The following COL5A1 variants were observed in gnomAD, a reference collection of about 807,000 sequenced individuals.
COL5A1 encodes the protein collagen alpha-1(V) chain.
Under a neutral mutation model 263.7 loss-of-function variants are expected in COL5A1, and 16 were observed. The observed-to-expected ratio is 0.06, with a 90% CI of 0.04 to 0.09. The LOEUF (loss-of-function observed/expected upper bound fraction) is 0.09. COL5A1 is among the 10% of genes least tolerant of loss of function. The probability of loss-of-function intolerance (pLI) is 1.00; values close to 1 mark genes in which losing one functional copy is unlikely to be tolerated. For synonymous variants in COL5A1, 1,012 were observed against 1,004.5 expected, an observed-to-expected ratio of 1.01 and a Z score of -0.14; for missense variants, 2,036 against 2,540.5, an observed-to-expected ratio of 0.80 and a Z score of 4.27.
Position 134,842,286 on chromosome 9 carries a change from G to C in COL5A1, c.5500G>C (p.Ala1834Pro), listed in dbSNP as rs752892059. 1 of 1,614,164 alleles carries C rather than the reference G, an allele frequency of 6.2e-7. No individual in the cohort carries two copies. Among genetic ancestry groups the C allele is most frequent in the South Asian group, 1.1e-5 (1 of 91,086 alleles). Residue 1834 changes from alanine (A) to proline (P), a missense_variant, in exon 66 of 66, where the codon GCT becomes CCT. Coordinates refer to ENST00000371817, the MANE Select transcript of COL5A1 (RefSeq NM_000093.5). The surrounding 1 kb of genome is among the most constrained non-coding windows in gnomAD (Gnocchi z 5.8). ...GAAATTTGGATTTGAAGTGGGGCCGGCTTGCTTCATGGGCTAGGAGCCGCC... is the reference window on the plus strand; with the variant it reads ...GAAATTTGGATTTGAAGTGGGGCCGCCTTGCTTCATGGGCTAGGAGCCGCC... ...SQKFGFEVGP[A>P]CFMG
chr9:134,782,287 A>G (rs1428603495), intron 28 of COL5A1, among the ~76,000 whole-genome samples: 1 of 152,184 alleles, frequency 6.6e-6, no homozygotes, highest in Non-Finnish European at 1.5e-5. Context: ...CCCGTCCTCA[A>G]TTGTCACCCC....
rs372939968 is a variant in COL5A1, at chr9:134,814,047, G to A, written c.3906+11G>A. The A allele has an allele frequency of 1.4e-4, 218 of 1,550,454 alleles. No individual in the cohort carries two copies. The highest frequency in any genetic ancestry group is 1.7e-4 in the Non-Finnish European group (194 of 1,146,888). On this transcript the variant is annotated intron_variant, in intron 49 of 65. Coordinates refer to ENST00000371817, the MANE Select transcript of COL5A1 (RefSeq NM_000093.5). ...GAAGGCGGCCCCCCGGTGAGTGAGCGGGCGCTGCGGGAGGGGTGGGATATG... is the reference window on the plus strand; with the variant it reads ...GAAGGCGGCCCCCCGGTGAGTGAGCAGGCGCTGCGGGAGGGGTGGGATATG...
Position 134,786,794 on chromosome 9 carries a change from G to A in COL5A1, c.2646+746G>A, listed in dbSNP as rs1022997831. On this transcript the variant is annotated intron_variant, in intron 31 of 65. Transcript: ENST00000371817. ...TGGAGACATAATTAACAGCCGAAGC[G>A]GGGTCCCGTCTTTCTCAGATCTGCC... Among the ~76,000 whole-genome samples, 12 of 152,116 alleles carry A rather than the reference G, an allele frequency of 7.9e-5. No homozygotes were observed. The East Asian group carries it at 9.6e-4, about 12-fold the overall frequency.
chr9:134,652,099 G>A lies in COL5A1; in HGVS notation c.109+9803G>A, dbSNP rs1330850588. Among the ~76,000 whole-genome samples the A allele has an allele frequency of 6.6e-6, 1 of 152,148 alleles. No individual in the cohort carries two copies. Among genetic ancestry groups the A allele is most frequent in the Non-Finnish European group, 1.5e-5 (1 of 68,024 alleles). On this transcript the variant is annotated intron_variant, in intron 1 of 65. Coordinates refer to ENST00000371817, the MANE Select transcript of COL5A1 (RefSeq NM_000093.5). The surrounding 1 kb of genome is among the most constrained non-coding windows in gnomAD (Gnocchi z 4.4). ...TACAGAGTGTTCCCGCGGTCGAGGT[G>A]GGGTGAAGGGCGTTCTCGAGGGAAG...
chr9:134,739,313 C>G (rs1297170349), intron 11 of COL5A1, among the ~76,000 whole-genome samples: 1 of 152,228 alleles, frequency 6.6e-6, no homozygotes, highest in African/African-American at 2.4e-5. Context: ...CCTTCTGACA[C>G]CTGGTGGGCG....
At chr9:134,761,471 GTCCCTGAC>G (rs1564441992) in intron 18 of COL5A1, among the ~76,000 whole-genome samples, 1 of 152,260 alleles carries the variant, frequency 6.6e-6, no homozygotes, top group Non-Finnish European at 1.5e-5. Context: ...CATGAAGGCT[GTCCCTGAC>G]TCAGCTCCAG....
chr9:134,717,695 G>T (rs117827644), intron 4 of COL5A1, among the ~76,000 whole-genome samples: 1 of 152,196 alleles, frequency 6.6e-6, no homozygotes, highest in Non-Finnish European at 1.5e-5. Context: ...CTTGCCGACC[G>T]CTTCTCCCAC....
In COL5A1 at chr9:134,747,954, GAC is replaced by G. The variant is rs1192343920; in HGVS notation, c.1495-2584_1495-2583del. On this transcript the variant is annotated intron_variant, in intron 11 of 65. Coordinates refer to ENST00000371817, the MANE Select transcript of COL5A1 (RefSeq NM_000093.5). ...ACACACATGCATTCATACACATGCA[GAC>G]ACATGCACACATGCATTCACACACA... Among the ~76,000 whole-genome samples, 7 of 79,894 alleles carry G rather than the reference GAC, an allele frequency of 8.8e-5. 1 individual carries two copies. The highest frequency in any genetic ancestry group is 2.6e-4 in the African/African-American group (6 of 22,796). The allele number at this position is 79,894 out of a possible 152,430, so 52.4% of individuals were successfully genotyped here.
intron 64 of COL5A1, among the ~76,000 whole-genome samples, chr9:134,831,152 C>A (rs1322765224): frequency 6.6e-6 from 1 of 152,246 alleles, no homozygotes; most frequent in Non-Finnish European, 1.5e-5. Context: ...GCACCAGCCC[C>A]AGCCTCCCTG....
Position 134,727,329 on chromosome 9 carries a change from T to C in COL5A1, c.718T>C (p.Tyr240His), listed in dbSNP as rs756136961. ...GGCAGCTTATGATTACTGTGAGCAC[T>C]ACAGCCCTGACTGTGACACCGCAGT... is the stretch of plus-strand genomic sequence containing the variant. ...HRAAYDYCEH[Y>H]SPDCDTAVPD... Residue 240 changes from tyrosine (Y) to histidine (H), a missense_variant, in exon 5 of 66, where the codon TAC (tyrosine) becomes CAC (histidine). Around this residue, in one of 3 missense-constraint regions of COL5A1, gnomAD observed 600 missense variants for 634.5 expected, o/e 0.95. Coordinates refer to ENST00000371817, the MANE Select transcript of COL5A1 (RefSeq NM_000093.5). 1 of 1,613,926 alleles carries C rather than the reference T, an allele frequency of 6.2e-7. No individual in the cohort carries two copies. Among genetic ancestry groups the C allele is most frequent in the African/African-American group, 1.3e-5 (1 of 74,906 alleles).
At chr9:134,750,344 G>T (rs185541857) in intron 11 of COL5A1, among the ~76,000 whole-genome samples, 198 bp from the exon 12 acceptor site, 1 of 152,082 alleles carries the variant, frequency 6.6e-6, no homozygotes, top group Non-Finnish European at 1.5e-5. Context: ...AAGCCTTTCC[G>T]ATCCTCAGCC....
At chr9:134,720,129 C>T (rs1020925075) in intron 4 of COL5A1, among the ~76,000 whole-genome samples, 3 of 152,326 alleles carry the variant, frequency 2.0e-5, no homozygotes, top group African/African-American at 7.2e-5. Flanking sequence ...GCCCACTGGG[C>T]AATTCTGACC....
rs376144196 is a variant in COL5A1, at chr9:134,727,291, T to C, written c.680T>C (p.Val227Ala). The change falls in exon 5 of 66, where the codon GTC (valine) becomes GCC (alanine). Residue 227 changes from valine to alanine, a missense_variant. By Grantham distance (64) the Val-to-Ala change is moderately conservative. This residue lies in a region of COL5A1 where 600 missense variants were observed against 634.5 expected (regional missense o/e 0.95). Transcript: ENST00000371817. The stretch of plus-strand genomic sequence containing the variant: ...GGTGACATCCAGCAGCTGCTCTTTG[T>C]CTCGGACCACCGGGCAGCTTATGAT... ...FEGDIQQLLF[V>A]SDHRAAYDYC... The C allele has an allele frequency of 4.6e-5, 75 of 1,613,980 alleles. No individual in the cohort carries two copies. The African/African-American group carries it at 6.5e-4, about 14-fold the overall frequency.
chr9:134,766,462 G>A lies in COL5A1; in HGVS notation c.2097G>A (p.Thr699=), dbSNP rs368590323. 1.4e-5 allele frequency: 23 copies of A among 1,614,026 alleles called. No individual in the cohort carries two copies. The highest frequency in any genetic ancestry group is 9.3e-5 in the African/African-American group (7 of 74,912). ...PPGPPGPPGV[T]GMDGQPGPKG... ...CTTAAAATCGTACACAGGGTGTCAC[G>A]GGTATGGACGGCCAGCCGGGGCCAA... Residue 699 remains threonine, a synonymous_variant, in exon 22 of 66, where the codon ACG becomes ACA. Coordinates refer to ENST00000371817, the MANE Select transcript of COL5A1 (RefSeq NM_000093.5).
chr9:134,690,494 G>A (rs1833240609), intron 1 of COL5A1, among the ~76,000 whole-genome samples: 1 of 152,204 alleles, frequency 6.6e-6, no homozygotes, highest in Non-Finnish European at 1.5e-5. Flanking sequence ...CATCTGCCTG[G>A]GCTGCTCTCC....
chr9:134,750,573 C>T lies in COL5A1; in HGVS notation c.1526C>T (p.Ala509Val). The T allele has an allele frequency of 6.2e-7, 1 of 1,613,574 alleles. No homozygotes were observed. Among genetic ancestry groups the T allele is most frequent in the South Asian group, 1.1e-5 (1 of 91,088 alleles). The change falls in exon 12 of 66, where the codon GCC becomes GTC. Residue 509 changes from alanine to valine, a missense_variant. By Grantham distance (64) the Ala-to-Val change is moderately conservative. Around this residue, in one of 3 missense-constraint regions of COL5A1, gnomAD observed 1,078 missense variants for 1,521.4 expected, o/e 0.71. Transcript: ENST00000371817. ...GPPGRPGLPG[A>V]DGLPGPPGTM... ...CCTGGACGCCCAGGCCTTCCTGGGG[C>T]CGATGGCCTGCCCGGTCCTCCAGGA...
chr9:134,722,643 G>T (rs1197730444), intron 4 of COL5A1, among the ~76,000 whole-genome samples: 1 of 152,226 alleles, frequency 6.6e-6, no homozygotes, highest in African/African-American at 2.4e-5. Context: ...CATATATTCA[G>T]ATGTCAAATT....
intron 14 of COL5A1, among the ~76,000 whole-genome samples, chr9:134,753,333 C>T (rs1018547403): frequency 2.0e-5 from 3 of 152,166 alleles, no homozygotes; most frequent in African/African-American, 7.2e-5. Context: ...GGGCTGGGTT[C>T]CGGGGCCTCT....
intron 1 of COL5A1, among the ~76,000 whole-genome samples, chr9:134,665,696 G>A (rs1181539659): frequency 1.3e-5 from 2 of 152,214 alleles, no homozygotes; most frequent in African/African-American, 2.4e-5. Flanking sequence ...GGACAGGGAC[G>A]TGGGGCTGGC....
Sources: allele counts gnomAD v4.1 joint callset (sites outside exome capture counted in the v4.1 genomes callset), GRCh38; gene constraint gnomAD v4.1.1; regional missense constraint gnomAD v4.1.1; non-coding constraint Gnocchi (gnomAD v3.1); transcripts MANE v1.5; gene names NCBI Gene and HGNC (gene_info 2026-07-23, HGNC 2026-07-21).